The following PLCL1 variants were observed in gnomAD, a reference collection of about 807,000 sequenced individuals.
PLCL1 encodes phospholipase C like 1 (inactive).
A neutral mutation model predicts 84.4 loss-of-function variants in PLCL1; 41 were observed. That is an observed-to-expected ratio of 0.49 (90% CI 0.38 to 0.63). The LOEUF (loss-of-function observed/expected upper bound fraction) is 0.63, where lower values mean the gene tolerates loss of function less well. Among genes scored for constraint, PLCL1 ranks in the 30% least tolerant of loss-of-function variants. The probability of loss-of-function intolerance (pLI) is 0.00; values close to 1 mark genes in which losing one functional copy is unlikely to be tolerated. For missense variants in PLCL1, 1,206 were observed against 1,367.8 expected (o/e 0.88, Z 1.87); for synonymous variants, 490 against 488.3 (o/e 1.00, Z -0.05).
intron 1 of PLCL1, among the ~76,000 whole-genome samples, chr2:198,064,992 T>C (rs6434954): frequency 0.7 from 106,712 of 151,450 alleles, 38,088 homozygotes; most frequent in Middle Eastern, 0.86. Context: ...GAGGGGCAGC[T>C]AAGATTTATG....
chr2:197,875,864 G>C (rs1687723302), intron 1 of PLCL1, among the ~76,000 whole-genome samples: 1 of 152,166 alleles, frequency 6.6e-6, no homozygotes, highest in African/African-American at 2.4e-5. Flanking sequence ...AGACAGGCTG[G>C]TATTGCAGTC....
chr2:197,907,991 C>T (rs1295208756), intron 1 of PLCL1, among the ~76,000 whole-genome samples: 1 of 152,120 alleles, frequency 6.6e-6, no homozygotes, highest in African/African-American at 2.4e-5. Context: ...CTTTTTTAAC[C>T]TATCATCTGA....
chr2:198,104,272 A>G (rs1223515037), intron 5 of PLCL1, among the ~76,000 whole-genome samples: 2 of 151,944 alleles, frequency 1.3e-5, no homozygotes, highest in Non-Finnish European at 2.9e-5. Context: ...GTTCCCACTT[A>G]TAAGTGAGAA....
intron 5 of PLCL1, among the ~76,000 whole-genome samples, chr2:198,133,903 A>G (rs1240306883): frequency 6.6e-6 from 1 of 152,204 alleles, no homozygotes; most frequent in Admixed American, 6.5e-5. Flanking sequence ...ACTGTATATC[A>G]GATGCAATTC....
At chr2:197,815,338 T>C (rs1218383988) in intron 1 of PLCL1, among the ~76,000 whole-genome samples, 3 of 152,180 alleles carry the variant, frequency 2.0e-5, no homozygotes, top group African/African-American at 7.2e-5. Context: ...TATAGCATGA[T>C]ATACTAAATA....
intron 1 of PLCL1, among the ~76,000 whole-genome samples, chr2:198,007,009 A>G (rs979860367): frequency 2.0e-5 from 3 of 152,210 alleles, no homozygotes; most frequent in Admixed American, 6.5e-5. Context: ...ATTCATGAAG[A>G]TAAGATTAGA....
chr2:198,111,333 G>T (rs1693616380), intron 5 of PLCL1, among the ~76,000 whole-genome samples: 1 of 151,798 alleles, frequency 6.6e-6, no homozygotes, highest in Admixed American at 6.6e-5. Flanking sequence ...CTTCTGCCCA[G>T]TAGAGTCACA....
In PLCL1 at chr2:197,804,972, C is replaced by T. The variant is rs1030876246; in HGVS notation, c.-128C>T. The stretch of plus-strand genomic sequence containing the variant: ...CCGCCGCCGCCGCCGCCGCCACTGC[C>T]GCCGCTGGGCGGTGAAACAAAGTCT... On this transcript the variant is annotated 5_prime_UTR_variant, in exon 1 of 6. Coordinates refer to ENST00000428675, the MANE Select transcript of PLCL1 (RefSeq NM_006226.4). 1 of 1,190,748 alleles carries T rather than the reference C, an allele frequency of 8.4e-7. No homozygotes were observed. Among genetic ancestry groups the T allele is most frequent in the Non-Finnish European group, 1.1e-6 (1 of 888,586 alleles). 73.8% of individuals were successfully genotyped at this position (1,190,748 alleles called of 1,614,324 possible).
intron 1 of PLCL1, among the ~76,000 whole-genome samples, chr2:197,894,377 T>C (rs1209175479): frequency 6.6e-6 from 1 of 152,000 alleles, no homozygotes; most frequent in Non-Finnish European, 1.5e-5. Context: ...CTGCCACTGA[T>C]GAATTTTGTG....
chr2:197,959,288 T>C (rs1689560556), intron 1 of PLCL1, among the ~76,000 whole-genome samples: 1 of 152,036 alleles, frequency 6.6e-6, no homozygotes, highest in Non-Finnish European at 1.5e-5. Context: ...ATGGTGCAGT[T>C]GATGTCTGAA....
intron 5 of PLCL1, among the ~76,000 whole-genome samples, chr2:198,125,417 A>C (rs10180081): frequency 0.027 from 4,139 of 151,848 alleles, 186 homozygotes; most frequent in African/African-American, 0.094. Context: ...CATAAAATAA[A>C]CAACATGTGG....
At chr2:197,844,299 C>T (rs1305584880) in intron 1 of PLCL1, among the ~76,000 whole-genome samples, 1 of 151,974 alleles carries the variant, frequency 6.6e-6, no homozygotes, top group African/African-American at 2.4e-5. Flanking sequence ...TAAAGGTGAC[C>T]ACTCTCCTAA....
chr2:197,937,736 C>T (rs1689078880), intron 1 of PLCL1, among the ~76,000 whole-genome samples: 1 of 152,108 alleles, frequency 6.6e-6, no homozygotes, highest in South Asian at 2.1e-4. Flanking sequence ...AAACTATACA[C>T]AGCTACAATG....
At chr2:198,043,538 C>T (rs771335123) in intron 1 of PLCL1, among the ~76,000 whole-genome samples, 1 of 152,146 alleles carries the variant, frequency 6.6e-6, no homozygotes. Flanking sequence ...GGCAAGGCTG[C>T]GTAATTTTGT....
chr2:198,000,067 T>C (rs1690565054), intron 1 of PLCL1, among the ~76,000 whole-genome samples: 1 of 152,178 alleles, frequency 6.6e-6, no homozygotes, highest in African/African-American at 2.4e-5. Context: ...TCTGACCTCC[T>C]GGAGTTGATG....
At chr2:198,122,825 T>C (rs2105929155) in intron 5 of PLCL1, among the ~76,000 whole-genome samples, 1 of 152,254 alleles carries the variant, frequency 6.6e-6, no homozygotes, top group Non-Finnish European at 1.5e-5. Context: ...ATGTATTCTC[T>C]CTAGACAGTG....
intron 1 of PLCL1, among the ~76,000 whole-genome samples, chr2:197,806,568 C>G (rs1477303425): frequency 6.6e-6 from 1 of 152,170 alleles, no homozygotes; most frequent in African/African-American, 2.4e-5. Context: ...GTGGTAATTA[C>G]AAATGGCTTG....
intron 1 of PLCL1, among the ~76,000 whole-genome samples, chr2:197,923,233 G>C (rs2105757715): frequency 6.7e-6 from 1 of 150,290 alleles, no homozygotes; most frequent in African/African-American, 2.4e-5. Context: ...CTCCCGGATG[G>C]GGCGGCTGGC....
At chr2:197,968,993 A>G (rs1186005211) in intron 1 of PLCL1, among the ~76,000 whole-genome samples, 1 of 152,212 alleles carries the variant, frequency 6.6e-6, no homozygotes, top group East Asian at 1.9e-4. Flanking sequence ...GTGAGTGAAC[A>G]CTATCGCCTG....
Sources: gnomAD v4.1 joint callset for allele counts (sites outside exome capture counted in the v4.1 genomes callset) on GRCh38, gnomAD v4.1.1 for gene constraint, MANE v1.5 for transcripts, NCBI Gene and HGNC (gene_info 2026-07-23, HGNC 2026-07-21) for gene names.